The following RBMS3 variants were observed in gnomAD, a reference collection of about 807,000 sequenced individuals.
The protein encoded by RBMS3 is RNA-binding motif, single-stranded-interacting protein 3.
In RBMS3, 27 loss-of-function variants were observed where a neutral mutation model predicts 66.8. The ratio of observed to expected loss-of-function variants is 0.40; its 90% confidence interval spans 0.30 to 0.56. The LOEUF is 0.56. Ranked by LOEUF, RBMS3 falls within the 20% of genes least tolerant of loss-of-function variation. RBMS3 has a pLI of 0.40. For synonymous variants in RBMS3, 188 were observed against 183.0 expected (o/e 1.03, Z -0.22); for missense variants, 513 against 549.5 (o/e 0.93, Z 0.66).
intron 2 of RBMS3, among the ~76,000 whole-genome samples, chr3:29,485,235 A>G (rs1043416532): frequency 6.6e-6 from 1 of 152,226 alleles, no homozygotes; most frequent in African/African-American, 2.4e-5. Context: ...CTCTTAAAAA[A>G]TTAAATATGA....
intron 1 of RBMS3, among the ~76,000 whole-genome samples, chr3:29,313,897 G>C (rs888974625): frequency 6.6e-6 from 1 of 151,710 alleles, no homozygotes; most frequent in African/African-American, 2.4e-5. Flanking sequence ...TTCGGCAAAA[G>C]GAAAATTCGG....
chr3:29,820,293 G>T (rs1305147619), intron 6 of RBMS3, among the ~76,000 whole-genome samples: 2 of 138,924 alleles, frequency 1.4e-5, no homozygotes, highest in South Asian at 2.5e-4. Flanking sequence ...TTATTTAACT[G>T]AAATGTTGCC....
At chr3:29,790,971 C>T (rs7640634) in intron 6 of RBMS3, among the ~76,000 whole-genome samples, 31,015 of 152,066 alleles carry the variant, frequency 0.2, 3,565 homozygotes, top group African/African-American at 0.3. Flanking sequence ...TTGGCTTCTC[C>T]CCTGCCTTGA....
intron 6 of RBMS3, among the ~76,000 whole-genome samples, chr3:29,832,940 G>A (rs1364905059): frequency 3.3e-5 from 5 of 152,112 alleles, no homozygotes; most frequent in Non-Finnish European, 5.9e-5. Context: ...CAGACACCAA[G>A]CATGACTCTG....
At chr3:29,906,073 G>T (rs149898296) in intron 10 of RBMS3, among the ~76,000 whole-genome samples, 8 of 152,168 alleles carry the variant, frequency 5.3e-5, no homozygotes, top group African/African-American at 1.7e-4. Context: ...ACAAGAAAAA[G>T]AACTTTTCGT....
intron 4 of RBMS3, among the ~76,000 whole-genome samples, chr3:29,669,907 T>C (rs1393516798): frequency 6.6e-6 from 1 of 152,206 alleles, no homozygotes; most frequent in Admixed American, 6.5e-5. Context: ...TGGGAATCTT[T>C]CTGAATAAAT....
At chr3:29,845,328 T>C (rs12497772) in intron 6 of RBMS3, among the ~76,000 whole-genome samples, 27,959 of 152,182 alleles carry the variant, frequency 0.18, 2,805 homozygotes, top group East Asian at 0.39. Flanking sequence ...ATCTCCATTG[T>C]AAAAATAGGT....
At chr3:29,826,224 C>T (rs1188301787) in intron 6 of RBMS3, among the ~76,000 whole-genome samples, 1 of 152,124 alleles carries the variant, frequency 6.6e-6, no homozygotes, top group Non-Finnish European at 1.5e-5. Context: ...ATGCTGCTTG[C>T]AACTTATGCC....
chr3:29,330,399 G>A (rs542204800), intron 1 of RBMS3, among the ~76,000 whole-genome samples: 6 of 152,262 alleles, frequency 3.9e-5, no homozygotes, highest in African/African-American at 1.2e-4. Flanking sequence ...AGAAGTAATA[G>A]TTAATAAGTA....
At chr3:29,413,409 CATACATACAT>C (rs1559559818) in intron 1 of RBMS3, among the ~76,000 whole-genome samples, 7 of 151,334 alleles carry the variant, frequency 4.6e-5, no homozygotes, top group East Asian at 2.0e-4. Flanking sequence ...TACATACATA[CATACATACAT>C]ACATACACAG....
At chr3:29,608,231 C>A (rs975514055) in intron 4 of RBMS3, among the ~76,000 whole-genome samples, 1 of 151,824 alleles carries the variant, frequency 6.6e-6, no homozygotes, top group Admixed American at 6.6e-5. Context: ...TATTCATCAT[C>A]CAGATTGAGG....
intron 4 of RBMS3, among the ~76,000 whole-genome samples, chr3:29,617,442 G>A (rs57690705): frequency 0.014 from 2,145 of 152,286 alleles, 42 homozygotes; most frequent in African/African-American, 0.05. Flanking sequence ...GTTGGAATAG[G>A]TCCTACCTTT....
intron 2 of RBMS3, among the ~76,000 whole-genome samples, chr3:29,481,300 C>T (rs570721249): frequency 1.3e-5 from 2 of 152,130 alleles, no homozygotes; most frequent in Non-Finnish European, 2.9e-5. Flanking sequence ...ACCTTTAAAA[C>T]CTCCAAAATC....
intron 4 of RBMS3, among the ~76,000 whole-genome samples, chr3:29,680,744 A>ATT (rs369376425): frequency 1.0e-3 from 153 of 152,060 alleles, no homozygotes; most frequent in African/African-American, 3.4e-3. Flanking sequence ...CATTCATCCT[A>ATT]TTTTTTTCAA....
At chr3:29,661,086 T>C (rs753122) in intron 4 of RBMS3, among the ~76,000 whole-genome samples, 21,953 of 152,096 alleles carry the variant, frequency 0.14, 1,743 homozygotes, top group African/African-American at 0.21. Context: ...CCACGAGGAT[T>C]GGGGTGGGGA....
chr3:29,306,533 A>G (rs144393755), intron 1 of RBMS3, among the ~76,000 whole-genome samples: 1 of 152,088 alleles, frequency 6.6e-6, no homozygotes, highest in East Asian at 1.9e-4. Flanking sequence ...ACAGAAAGTA[A>G]GTAATGTTGG....
chr3:29,786,999 C>T (rs1281253796), intron 6 of RBMS3, among the ~76,000 whole-genome samples: 1 of 151,738 alleles, frequency 6.6e-6, no homozygotes, highest in Non-Finnish European at 1.5e-5. Context: ...AACAAACAAC[C>T]CCATCAAAAA....
intron 6 of RBMS3, among the ~76,000 whole-genome samples, chr3:29,770,045 C>T (rs1350690130): frequency 1.3e-5 from 2 of 151,780 alleles, no homozygotes; most frequent in East Asian, 3.9e-4. Flanking sequence ...TACTGAGGAC[C>T]TAATTGTAGT....
chr3:29,571,942 T>C (rs758714280), intron 3 of RBMS3, among the ~76,000 whole-genome samples: 1 of 152,130 alleles, frequency 6.6e-6, no homozygotes, highest in Non-Finnish European at 1.5e-5. Context: ...TTTTGTGTCC[T>C]CTTCAATTTC....
Sources: allele counts gnomAD v4.1 joint callset (sites outside exome capture counted in the v4.1 genomes callset), GRCh38; gene constraint gnomAD v4.1.1; transcripts MANE v1.5; gene names NCBI Gene and HGNC (gene_info 2026-07-23, HGNC 2026-07-21).